Variants in LRMDA observed in about 807,000 individuals in gnomAD.
The protein encoded by LRMDA is leucine-rich melanocyte differentiation-associated protein.
In LRMDA, 18 loss-of-function variants were observed where a neutral mutation model predicts 29.8. That is an observed-to-expected ratio of 0.60 (90% CI 0.42 to 0.90). The LOEUF is 0.90. Ranked by LOEUF, LRMDA falls within the 40% of genes least tolerant of loss-of-function variation. The probability of loss-of-function intolerance (pLI) is 0.00; values close to 1 mark genes in which losing one functional copy is unlikely to be tolerated. For missense variants in LRMDA, 273 were observed against 273.9 expected, an observed-to-expected ratio of 1.00 and a Z score of 0.02; for synonymous variants, 125 against 109.4, an observed-to-expected ratio of 1.14 and a Z score of -0.89.
chr10:76,240,708 A>C lies in LRMDA; in HGVS notation c.517-83693A>C, dbSNP rs149208804. ...TTATGGCAGCATAACTTGCAATTGC[A>C]TAATATGGAACCAGCCCAAATGCCC... On this transcript the variant is annotated intron_variant, in intron 5 of 6. Transcript: ENST00000611255. 2.1e-3 allele frequency among the ~76,000 whole-genome samples: 317 copies of C among 151,178 alleles called. 6 individuals carry two copies. In the East Asian group the frequency reaches 0.027, roughly 13 times the overall value.
At chr10:75,653,640 A>G (rs1009210441) in intron 2 of LRMDA, among the ~76,000 whole-genome samples, 3 of 152,228 alleles carry the variant, frequency 2.0e-5, no homozygotes, top group Admixed American at 2.0e-4. Flanking sequence ...TGTGTAACAT[A>G]CACATGTACG....
In LRMDA at chr10:76,006,332, G is replaced by A. The variant is rs556230705; in HGVS notation, c.132-29676G>A. On this transcript the variant is annotated intron_variant, in intron 2 of 6. Coordinates refer to ENST00000611255, the MANE Select transcript of LRMDA (RefSeq NM_001305581.2). Reference sequence around the variant, plus strand: ...CAGAAGGAGAGTCAGCCTGAGCTCCGCTGAGCAAAGGCTCTGGGTGACTCT... The same window carrying A: ...CAGAAGGAGAGTCAGCCTGAGCTCCACTGAGCAAAGGCTCTGGGTGACTCT... Among the ~76,000 whole-genome samples, 10 of 152,274 alleles carry A rather than the reference G, an allele frequency of 6.6e-5. No homozygotes were observed. In the South Asian group the frequency reaches 1.5e-3, roughly 22 times the overall value.
At chr10:75,576,989 G>T (rs1396592393) in intron 2 of LRMDA, among the ~76,000 whole-genome samples, 1 of 152,156 alleles carries the variant, frequency 6.6e-6, no homozygotes, top group Non-Finnish European at 1.5e-5. Flanking sequence ...TCTTCAAAAG[G>T]ATCACAACTC....
intron 2 of LRMDA, among the ~76,000 whole-genome samples, chr10:75,961,900 T>C (rs2132429733): frequency 6.6e-6 from 1 of 152,286 alleles, no homozygotes; most frequent in African/African-American, 2.4e-5. Context: ...CAGGTCTCTC[T>C]CCTGGCTTCT....
At chr10:75,706,777 A>C (rs1490006002) in intron 2 of LRMDA, among the ~76,000 whole-genome samples, 1 of 136,068 alleles carries the variant, frequency 7.3e-6, no homozygotes, top group Non-Finnish European at 1.5e-5. Context: ...AAACTCAGTG[A>C]GTTTATACCT....
At chr10:76,454,444 A>G (rs1842437004) in intron 6 of LRMDA, among the ~76,000 whole-genome samples, 1 of 152,134 alleles carries the variant, frequency 6.6e-6, no homozygotes, top group Admixed American at 6.6e-5. Flanking sequence ...TCTTTGTACC[A>G]ACTTGGCTAT....
chr10:76,091,704 T>C (rs777939175), intron 5 of LRMDA, among the ~76,000 whole-genome samples: 10 of 152,114 alleles, frequency 6.6e-5, no homozygotes, highest in Non-Finnish European at 1.3e-4. Context: ...CCCCTTCTTT[T>C]AGAGGTAGAG....
At chr10:76,389,196 G>A (rs147677864) in intron 6 of LRMDA, among the ~76,000 whole-genome samples, 1 of 152,152 alleles carries the variant, frequency 6.6e-6, no homozygotes, top group Admixed American at 6.5e-5. Context: ...AGGGAGAACG[G>A]CATGTAGAAA....
intron 5 of LRMDA, among the ~76,000 whole-genome samples, chr10:76,221,572 G>A (rs1383967226): frequency 1.3e-5 from 2 of 152,192 alleles, no homozygotes. Flanking sequence ...GGATGTGAAG[G>A]ACCTCTTCAA....
At chr10:76,247,190 AG>A (rs1452985860) in intron 5 of LRMDA, among the ~76,000 whole-genome samples, 1 of 152,234 alleles carries the variant, frequency 6.6e-6, no homozygotes, top group Admixed American at 6.5e-5. Flanking sequence ...TGACTTAAAT[AG>A]ATGACTGTTT....
At chr10:76,115,823 AGG>A (rs1359578652) in intron 5 of LRMDA, among the ~76,000 whole-genome samples, 1 of 152,084 alleles carries the variant, frequency 6.6e-6, no homozygotes, top group East Asian at 1.9e-4. Context: ...GAAACTCCTA[AGG>A]GGGACTGGAG....
At chr10:76,542,059 G>A (rs1163905373) in intron 6 of LRMDA, among the ~76,000 whole-genome samples, 1 of 66,518 alleles carries the variant, frequency 1.5e-5, no homozygotes, top group Non-Finnish European at 3.7e-5. Context: ...GTGCACGTGT[G>A]TGTGTGTGTG....
At chr10:75,987,121 A>G (rs1274771797) in intron 2 of LRMDA, among the ~76,000 whole-genome samples, 3 of 152,090 alleles carry the variant, frequency 2.0e-5, no homozygotes, top group Non-Finnish European at 2.9e-5. Context: ...GTAGGTCACT[A>G]TGTCTGAACT....
intron 2 of LRMDA, among the ~76,000 whole-genome samples, chr10:75,870,650 A>C (rs1020400400): frequency 6.6e-6 from 1 of 152,080 alleles, no homozygotes; most frequent in African/African-American, 2.4e-5. Flanking sequence ...ACCAGCTTCT[A>C]CTTCTGAAAT....
At chr10:75,665,105 C>T (rs1043976899) in intron 2 of LRMDA, among the ~76,000 whole-genome samples, 1 of 152,208 alleles carries the variant, frequency 6.6e-6, no homozygotes, top group Non-Finnish European at 1.5e-5. Context: ...AATTTTTGCA[C>T]TGGAGTTTGA....
chr10:76,063,357 C>G (rs1848733129), intron 5 of LRMDA, among the ~76,000 whole-genome samples: 1 of 152,096 alleles, frequency 6.6e-6, no homozygotes, highest in East Asian at 1.9e-4. Flanking sequence ...GTGTGTATAC[C>G]AGCTTCAATC....
At chr10:76,154,143 G>C (rs1850496853) in intron 5 of LRMDA, among the ~76,000 whole-genome samples, 1 of 152,040 alleles carries the variant, frequency 6.6e-6, no homozygotes. Context: ...TTTCTTTCTT[G>C]ATCATTGGAT....
intron 2 of LRMDA, among the ~76,000 whole-genome samples, chr10:75,942,124 C>T (rs940325845): frequency 6.6e-6 from 1 of 152,164 alleles, no homozygotes; most frequent in Admixed American, 6.5e-5. Context: ...CCTCTGACTC[C>T]AAACACTTCA....
At chr10:75,964,896 C>T (rs1335455513) in intron 2 of LRMDA, among the ~76,000 whole-genome samples, 1 of 152,152 alleles carries the variant, frequency 6.6e-6, no homozygotes, top group African/African-American at 2.4e-5. Flanking sequence ...TCCCAAGTAG[C>T]TGGGATTACA....
Sources: allele counts gnomAD v4.1 joint callset (sites outside exome capture counted in the v4.1 genomes callset), GRCh38; gene constraint gnomAD v4.1.1; transcripts MANE v1.5; gene names NCBI Gene and HGNC (gene_info 2026-07-23, HGNC 2026-07-21).